The following CDC16 variants were observed in gnomAD, a reference collection of about 807,000 sequenced individuals.
CDC16 encodes the protein cell division cycle protein 16 homolog.
Under a neutral mutation model 87.0 loss-of-function variants are expected in CDC16, and 34 were observed. The observed-to-expected ratio is 0.39, with a 90% CI of 0.30 to 0.52. CDC16 has a LOEUF of 0.52. CDC16 is among the 20% of genes least tolerant of loss of function. The pLI is 0.74. For synonymous variants in CDC16, 263 were observed against 260.6 expected, an observed-to-expected ratio of 1.01 and a Z score of -0.09; for missense variants, 653 against 751.9, an observed-to-expected ratio of 0.87 and a Z score of 1.54.
In CDC16 at chr13:114,255,216, G is replaced by A. The variant is rs565905148; in HGVS notation, c.1098-1862G>A. Among the ~76,000 whole-genome samples the A allele has an allele frequency of 5.9e-5, 9 of 152,206 alleles. No homozygotes were observed. In the South Asian group the frequency reaches 1.9e-3, roughly 32 times the overall value. On this transcript the variant is annotated intron_variant, in intron 12 of 17. Transcript: ENST00000356221. The stretch of plus-strand genomic sequence containing the variant: ...TCAATTATACATTGTTATTATTTAT[G>A]TAATTTTGTTTTTCAAAGAAGCTGT...
chr13:114,253,266 A>T (rs2082298163), intron 12 of CDC16, among the ~76,000 whole-genome samples: 1 of 152,208 alleles, frequency 6.6e-6, no homozygotes, highest in Non-Finnish European at 1.5e-5. Context: ...GTCATTGGTT[A>T]TTTAAGAATA....
chr13:114,267,511 C>T (rs1178008832), intron 17 of CDC16, among the ~76,000 whole-genome samples: 1 of 151,958 alleles, frequency 6.6e-6, no homozygotes, highest in Non-Finnish European at 1.5e-5. Flanking sequence ...AAAAAAAGTG[C>T]TACGTATTGG....
intron 7 of CDC16, 114 bp from the exon 8 acceptor site, chr13:114,243,742 C>T (rs1254547134): frequency 2.7e-6 from 2 of 752,374 alleles, no homozygotes; most frequent in South Asian, 4.1e-5. Flanking sequence ...TTTTCAGAGG[C>T]TCTCACATTT....
Position 114,262,882 on chromosome 13 carries a change from G to C in CDC16, c.1380G>C (p.Lys460Asn), listed in dbSNP as rs200355813. The part of the protein sequence containing the change: ...NLGHVCRKLK[K>N]YAEALDYHRQ... ...ATAATTGTGTTCTCTCCCACAGAAA[G>C]TATGCTGAGGCCTTGGATTACCACC... Residue 460 changes from lysine to asparagine, a missense_variant, in exon 16 of 18, where the codon AAG becomes AAC. By Grantham distance (94) the Lys-to-Asn change is moderately conservative. Coordinates refer to ENST00000356221, the MANE Select transcript of CDC16 (RefSeq NM_001078645.3). The C allele has an allele frequency of 1.2e-6, 2 of 1,614,154 alleles. No homozygotes were observed. The highest frequency in any genetic ancestry group is 2.7e-5 in the African/African-American group (2 of 75,038).
At chr13:114,249,820 T>G (rs2082068209) in intron 11 of CDC16, among the ~76,000 whole-genome samples, 1 of 152,226 alleles carries the variant, frequency 6.6e-6, no homozygotes, top group Admixed American at 6.5e-5. Flanking sequence ...ATCTGTAAGT[T>G]CTATTTAGAA....
chr13:114,239,037 G>A lies in CDC16; in HGVS notation c.240+9G>A, dbSNP rs112588129. 1.4e-3 allele frequency: 2,271 copies of A among 1,600,310 alleles called. 4 individuals carry two copies. Among genetic ancestry groups the A allele is most frequent in the Non-Finnish European group, 1.8e-3 (2,092 of 1,176,324 alleles). On this transcript the variant is annotated intron_variant, in intron 4 of 17. Transcript: ENST00000356221. ...TTGCAGCTAGGTGCCATGTAAGTATGCTCATAATTTCATTTTTATTTGGTT... is the reference window on the plus strand; with the variant it reads ...TTGCAGCTAGGTGCCATGTAAGTATACTCATAATTTCATTTTTATTTGGTT...
At chr13:114,241,701 C>T (rs1314513213) in intron 5 of CDC16, among the ~76,000 whole-genome samples, 1 of 152,120 alleles carries the variant, frequency 6.6e-6, no homozygotes, top group Admixed American at 6.5e-5. Flanking sequence ...TTGACTAAAT[C>T]CTTTTAAATG....
chr13:114,268,431 G>T (rs1418964899), intron 17 of CDC16, among the ~76,000 whole-genome samples: 1 of 152,186 alleles, frequency 6.6e-6, no homozygotes, highest in African/African-American at 2.4e-5. Context: ...AGTGAGAGGG[G>T]CTTGAGCAAG....
Position 114,243,983 on chromosome 13 carries a change from C to T in CDC16, c.761C>T (p.Thr254Ile). Residue 254 changes from threonine (T) to isoleucine (I), a missense_variant, in exon 8 of 18, where the codon ACT becomes ATT. Transcript: ENST00000356221. ...GATTTTAAAATGTGCTACAAGCTTACTTCTGTGTAAGTATATCCATCCATT... is the reference window on the plus strand; with the variant it reads ...GATTTTAAAATGTGCTACAAGCTTATTTCTGTGTAAGTATATCCATCCATT... ...NCDFKMCYKL[T>I]SVVMEKDPFH... is the part of the protein sequence containing the mutation. 1 of 1,607,652 alleles carries T rather than the reference C, an allele frequency of 6.2e-7. No homozygotes were observed. Among genetic ancestry groups the T allele is most frequent in the Non-Finnish European group, 8.5e-7 (1 of 1,174,968 alleles).
In CDC16 at chr13:114,234,977, C is replaced by CGGCGGT. The variant is rs1236737849; in HGVS notation, c.-103_-102insTGGCGG. ...AGTCCGCGGCCTTCGAGTCCTGGGG[C>CGGCGGT]GGCGGCGGCGGCTGCAGGCACGGGC... On this transcript the variant is annotated 5_prime_UTR_variant, in exon 1 of 18. Coordinates refer to ENST00000356221, the MANE Select transcript of CDC16 (RefSeq NM_001078645.3). 3.6e-6 allele frequency: 3 copies of CGGCGGT among 834,860 alleles called. No homozygotes were observed. The highest frequency in any genetic ancestry group is 3.2e-6 in the Non-Finnish European group (2 of 625,754). 51.7% of individuals were successfully genotyped at this position (834,860 alleles called of 1,614,324 possible).
intron 11 of CDC16, among the ~76,000 whole-genome samples, chr13:114,249,905 A>G (rs188651753): frequency 1.3e-3 from 197 of 152,340 alleles, no homozygotes; most frequent in African/African-American, 4.5e-3. Context: ...CTATACTATT[A>G]AACAGTTTTA....
chr13:114,235,204 G>A, intron 1 of CDC16, 72 bp downstream of exon 1: 1 of 1,071,198 alleles, frequency 9.3e-7, no homozygotes, highest in Non-Finnish European at 1.2e-6. Context: ...TGGGGCTGGG[G>A]TGACTGTTGT....
Position 114,265,132 on chromosome 13 carries a change from C to G in CDC16, c.1513-18C>G. 1 of 1,527,572 alleles carries G rather than the reference C, an allele frequency of 6.5e-7. No individual in the cohort carries two copies. Among genetic ancestry groups the G allele is most frequent in the Non-Finnish European group, 9.1e-7 (1 of 1,101,430 alleles). The allele number at this position is 1,527,572 out of a possible 1,614,324, so 94.6% of individuals were successfully genotyped here. A position where few individuals can be genotyped will look rare whatever the true frequency, so the allele number is the denominator to read the frequency against. On this transcript the variant is annotated intron_variant, in intron 16 of 17. Transcript: ENST00000356221. Reference sequence around the variant, plus strand: ...AATATGTTTTCTTTTAATAACCATGCTGAATCTTTTATGGCAGGCCCTTGG... The same window carrying G: ...AATATGTTTTCTTTTAATAACCATGGTGAATCTTTTATGGCAGGCCCTTGG...
Position 114,272,507 on chromosome 13 carries a change from A to C in CDC16, c.*64A>C. The C allele has an allele frequency of 7.0e-7, 1 of 1,426,956 alleles. No homozygotes were observed. The highest frequency in any genetic ancestry group is 1.3e-5 in the South Asian group (1 of 77,862). The allele number at this position is 1,426,956 out of a possible 1,614,324, so 88.4% of individuals were successfully genotyped here. A position where few individuals can be genotyped will look rare whatever the true frequency, so the allele number is the denominator to read the frequency against. On this transcript the variant is annotated 3_prime_UTR_variant, in exon 18 of 18. Coordinates refer to ENST00000356221, the MANE Select transcript of CDC16 (RefSeq NM_001078645.3). ...GTTAGTATTCCTTCACATCCTCTCC[A>C]TGGCTTAAGAATGTCCCACTTCCTA...
At position 114,237,750 on chromosome 13, in the gene CDC16, GGCCTTT is replaced by G. The variant is rs17291027; in HGVS notation, c.201+856_201+861del. ...TCTTCCTCCCCACTCGTACGTGTCA[GGCCTTT>G]GATTTTTTTGTCTGTTCTGTTACAG... is the stretch of plus-strand genomic sequence containing the variant. On this transcript the variant is annotated intron_variant, in intron 3 of 17. Coordinates refer to ENST00000356221, the MANE Select transcript of CDC16 (RefSeq NM_001078645.3). 2.5e-4 allele frequency among the ~76,000 whole-genome samples: 38 copies of G among 152,228 alleles called. No individual in the cohort carries two copies. In the East Asian group the frequency reaches 6.6e-3, roughly 26 times the overall value.
At chr13:114,249,535 A>G (rs938256918) in intron 11 of CDC16, among the ~76,000 whole-genome samples, 2 of 152,134 alleles carry the variant, frequency 1.3e-5, no homozygotes, top group Non-Finnish European at 2.9e-5. Flanking sequence ...GAAGTAGGGT[A>G]TCACCCCCTA....
In CDC16 at chr13:114,235,017, G is replaced by A. The variant is rs1209773857; in HGVS notation, c.-68G>A. Reference sequence around the variant, plus strand: ...CAGGCACGGGCACGGGCACGGGGCGGGGTGCTTAGGGTGCAGGAGGCGCGC... The same window carrying A: ...CAGGCACGGGCACGGGCACGGGGCGAGGTGCTTAGGGTGCAGGAGGCGCGC... On this transcript the variant is annotated 5_prime_UTR_variant, in exon 1 of 18. Transcript: ENST00000356221. 2 of 1,180,686 alleles carry A rather than the reference G, an allele frequency of 1.7e-6. No homozygotes were observed. The highest frequency in any genetic ancestry group is 2.1e-6 in the Non-Finnish European group (2 of 935,312). 73.1% of individuals were successfully genotyped at this position (1,180,686 alleles called of 1,614,324 possible). A position where few individuals can be genotyped will look rare whatever the true frequency, so the allele number is the denominator to read the frequency against.
Position 114,257,176 on chromosome 13 carries a change from C to G in CDC16, c.1196C>G (p.Pro399Arg). 6.2e-7 allele frequency: 1 copy of G among 1,613,392 alleles called. No homozygotes were observed. Among genetic ancestry groups the G allele is most frequent in the Non-Finnish European group, 8.5e-7 (1 of 1,179,522 alleles). Residue 399 changes from proline to arginine, a missense_variant, in exon 13 of 18, where the codon CCG (proline) becomes CGG (arginine). Physicochemically the swap from Pro to Arg is moderately radical, Grantham distance 103. Transcript: ENST00000356221. ...RFFSQALSIA[P>R]EDPFVMHEVG... ...TTCAGCCAAGCTCTGAGCATTGCAC[C>G]GGAAGACCCTTTTGTTATGCATGAG...
chr13:114,250,778 A>G (rs1316039757), intron 12 of CDC16, 104 bp downstream of exon 12: 5 of 1,107,036 alleles, frequency 4.5e-6, no homozygotes, highest in Non-Finnish European at 6.5e-6. Context: ...ACTAAACACA[A>G]ACATTTTACT....
Sources: allele counts gnomAD v4.1 joint callset (sites outside exome capture counted in the v4.1 genomes callset), GRCh38; gene constraint gnomAD v4.1.1; transcripts MANE v1.5; gene names NCBI Gene and HGNC (gene_info 2026-07-23, HGNC 2026-07-21).